Variants in SMARCB1 observed in about 807,000 individuals in gnomAD.
SMARCB1 encodes SWI/SNF related BAF chromatin remodeling complex subunit B1.
In SMARCB1, 5 loss-of-function variants were observed where a neutral mutation model predicts 49.0. The ratio of observed to expected loss-of-function variants is 0.10; its 90% CI spans 0.05 to 0.21. The LOEUF is 0.21. Ranked by LOEUF, SMARCB1 falls within the 10% of genes least tolerant of loss-of-function variation. The pLI is 1.00. For missense variants in SMARCB1, 226 were observed against 509.2 expected (o/e 0.44, Z 5.35); for synonymous variants, 201 against 200.1 (o/e 1.00, Z -0.04).
intron 7 of SMARCB1, among the ~76,000 whole-genome samples, chr22:23,827,387 T>C (rs1461835372): frequency 1.3e-5 from 2 of 152,182 alleles, no homozygotes; most frequent in African/African-American, 2.4e-5. Flanking sequence ...TGAGCCTAAA[T>C]TCCTTTCCAA....
At chr22:23,788,256 A>T (rs867086024) in intron 1 of SMARCB1, among the ~76,000 whole-genome samples, 13 of 152,084 alleles carry the variant, frequency 8.5e-5, no homozygotes, top group South Asian at 2.1e-4. Context: ...TTACCTTTTT[A>T]AAAAAATTAT....
At position 23,817,244 on chromosome 22, in the gene SMARCB1, C is replaced by T. The variant is rs548969368; in HGVS notation, c.795+308C>T. 82 of 518,992 alleles carry T rather than the reference C, an allele frequency of 1.6e-4. 1 individual carries two copies. Among genetic ancestry groups the T allele is most frequent in the African/African-American group, 1.3e-3 (68 of 52,640 alleles). 32.1% of individuals were successfully genotyped at this position (518,992 alleles called of 1,614,324 possible). Reference sequence around the variant, plus strand: ...GATTGGCTGGGCCAGGCTGAGTGCTCCAGGGGGGCCTAGTAACCCAATAAG... The same window carrying T: ...GATTGGCTGGGCCAGGCTGAGTGCTTCAGGGGGGCCTAGTAACCCAATAAG... On this transcript the variant is annotated intron_variant, in intron 6 of 8. Coordinates refer to ENST00000644036, the MANE Select transcript of SMARCB1 (RefSeq NM_003073.5).
chr22:23,821,147 C>T (rs981283940), intron 6 of SMARCB1, among the ~76,000 whole-genome samples: 1 of 152,240 alleles, frequency 6.6e-6, no homozygotes, highest in African/African-American at 2.4e-5. Context: ...CCTGTGATTC[C>T]CACCTGGGGG....
In SMARCB1 at chr22:23,837,306, G is replaced by T; in HGVS notation, c.*3126G>T. On this transcript the variant is annotated 3_prime_UTR_variant, in exon 9 of 9. Coordinates refer to ENST00000644036, the MANE Select transcript of SMARCB1 (RefSeq NM_003073.5). Reference sequence around the variant, plus strand: ...GCCTTGCACAGAGTGCCAGCCCCGGGTTGGCCGTGAAGGACAAGCTTAAAA... The same window carrying T: ...GCCTTGCACAGAGTGCCAGCCCCGGTTTGGCCGTGAAGGACAAGCTTAAAA... 1 of 1,052,470 alleles carries T rather than the reference G, an allele frequency of 9.5e-7. No homozygotes were observed. Among genetic ancestry groups the T allele is most frequent in the Non-Finnish European group, 1.4e-6 (1 of 720,762 alleles). The allele number at this position is 1,052,470 out of a possible 1,614,324, so 65.2% of individuals were successfully genotyped here.
rs367854741 is a variant in SMARCB1, at chr22:23,835,860, GCCCT to G, written c.*1682_*1685del. 7.1e-3 allele frequency: 7,002 copies of G among 985,400 alleles called. 132 individuals carry two copies. In the South Asian group the frequency reaches 0.098, roughly 14 times the overall value. The allele number at this position is 985,400 out of a possible 1,614,324, so 61.0% of individuals were successfully genotyped here. A position where few individuals can be genotyped will look rare whatever the true frequency, so the allele number is the denominator to read the frequency against. ...GGCTGGGAGGTGCCGGGAAGGCTGGGCCCTCACTCCTGACCGCCAGCTCACACCG... is the reference window on the plus strand; with the variant it reads ...GGCTGGGAGGTGCCGGGAAGGCTGGGCACTCCTGACCGCCAGCTCACACCG... On this transcript the variant is annotated 3_prime_UTR_variant, in exon 9 of 9. Coordinates refer to ENST00000644036, the MANE Select transcript of SMARCB1 (RefSeq NM_003073.5).
At position 23,803,007 on chromosome 22, in the gene SMARCB1, C is replaced by T. The variant is rs1671659005; in HGVS notation, c.501-288C>T. 5 of 508,460 alleles carry T rather than the reference C, an allele frequency of 9.8e-6. No homozygotes were observed. In the South Asian group the frequency reaches 1.0e-4, roughly 10 times the overall value. The allele number at this position is 508,460 out of a possible 1,614,324, so 31.5% of individuals were successfully genotyped here. A position where few individuals can be genotyped will look rare whatever the true frequency, so the allele number is the denominator to read the frequency against. On this transcript the variant is annotated intron_variant, in intron 4 of 8. Coordinates refer to ENST00000644036, the MANE Select transcript of SMARCB1 (RefSeq NM_003073.5). ...CTTCCATGAAAGTCCTGCCAAATTT[C>T]AGGCTTAAATATCCCTTCACAGGAT... is the stretch of plus-strand genomic sequence containing the variant.
intron 5 of SMARCB1, among the ~76,000 whole-genome samples, chr22:23,810,713 G>T (rs1308748004): frequency 6.6e-6 from 1 of 151,956 alleles, no homozygotes; most frequent in Non-Finnish European, 1.5e-5. Context: ...ATCTGATACG[G>T]TTCTAAAGGT....
chr22:23,833,725 T>C (rs948168784), intron 8 of SMARCB1, 22 bp downstream of exon 8: 1 of 1,613,468 alleles, frequency 6.2e-7, no homozygotes, highest in Non-Finnish European at 8.5e-7. Flanking sequence ...CCTGTGGTCC[T>C]GGGCTCTGCC....
intron 5 of SMARCB1, among the ~76,000 whole-genome samples, chr22:23,807,819 G>A (rs1358272090): frequency 6.8e-6 from 1 of 147,922 alleles, no homozygotes; most frequent in Non-Finnish European, 1.5e-5. Flanking sequence ...TTTTGAGATG[G>A]AGTCTTGCTC....
rs1929645915 is a variant in SMARCB1, at chr22:23,808,347, T to G, written c.628+4925T>G. Among the ~76,000 whole-genome samples, 4 of 152,264 alleles carry G rather than the reference T, an allele frequency of 2.6e-5. No individual in the cohort carries two copies. In the South Asian group the frequency reaches 8.3e-4, roughly 32 times the overall value. ...CGTGTTAGCCAGGATGGTCTCGATC[T>G]CCCGACCTCGTGATCCGCCCACCTC... is the stretch of plus-strand genomic sequence containing the variant. On this transcript the variant is annotated intron_variant, in intron 5 of 8. Coordinates refer to ENST00000644036, the MANE Select transcript of SMARCB1 (RefSeq NM_003073.5).
Position 23,835,521 on chromosome 22 carries a change from G to A in SMARCB1, c.*1341G>A. On this transcript the variant is annotated 3_prime_UTR_variant, in exon 9 of 9. Transcript: ENST00000644036. ...TGAGATGTGAGAGGAGGGCTCCTTT[G>A]AGCACATGTTAGCATGGGACTCTTC... is the stretch of plus-strand genomic sequence containing the variant. The A allele has an allele frequency of 1.0e-6, 1 of 985,552 alleles. No homozygotes were observed. The highest frequency in any genetic ancestry group is 1.2e-6 in the Non-Finnish European group (1 of 830,004). 61.1% of individuals were successfully genotyped at this position (985,552 alleles called of 1,614,324 possible).
chr22:23,833,760 G>A, intron 8 of SMARCB1, 57 bp downstream of exon 8: 1 of 1,590,944 alleles, frequency 6.3e-7, no homozygotes, highest in East Asian at 2.2e-5. Flanking sequence ...TTTCCAGGCA[G>A]AGGCAGGGCC....
intron 3 of SMARCB1, among the ~76,000 whole-genome samples, chr22:23,795,608 G>A (rs1273468553): frequency 6.6e-6 from 1 of 151,632 alleles, no homozygotes; most frequent in Non-Finnish European, 1.5e-5. Context: ...GTGAGCCGAG[G>A]TTGCGCCATT....
chr22:23,810,514 C>CAAGACTCT (rs1234757036), intron 5 of SMARCB1, among the ~76,000 whole-genome samples: 1 of 80,736 alleles, frequency 1.2e-5, no homozygotes, highest in African/African-American at 5.0e-5. Context: ...GGCAACAGAG[C>CAAGACTCT]AAGACTCTGT....
Position 23,837,743 on chromosome 22 carries a change from G to C in SMARCB1, c.*3563G>C. 2 of 1,614,064 alleles carry C rather than the reference G, an allele frequency of 1.2e-6. No individual in the cohort carries two copies. The highest frequency in any genetic ancestry group is 1.7e-6 in the Non-Finnish European group (2 of 1,180,018). On this transcript the variant is annotated 3_prime_UTR_variant, in exon 9 of 9. Coordinates refer to ENST00000644036, the MANE Select transcript of SMARCB1 (RefSeq NM_003073.5). ...GGCAGGAACGGTGCCTGGAAAGTGA[G>C]CAGGCCGAAGAAGTTGACCCTCACC... is the stretch of plus-strand genomic sequence containing the variant.
chr22:23,832,603 G>T (rs944042423), intron 7 of SMARCB1, among the ~76,000 whole-genome samples: 18 of 152,222 alleles, frequency 1.2e-4, no homozygotes, highest in African/African-American at 4.3e-4. Context: ...CTTCTGCCAA[G>T]CCAGGGGTCT....
Position 23,834,365 on chromosome 22 carries a change from G to GCCCCCCCCCCCCCCCCCCCCTC in SMARCB1, c.*191_*192insCCCCCCCCCCCCCCTCCCCCCC. 1.4e-6 allele frequency: 1 copy of GCCCCCCCCCCCCCCCCCCCCTC among 700,772 alleles called. No homozygotes were observed. The highest frequency in any genetic ancestry group is 1.5e-5 in the South Asian group (1 of 66,686). 43.4% of individuals were successfully genotyped at this position (700,772 alleles called of 1,614,324 possible). A position where few individuals can be genotyped will look rare whatever the true frequency, so the allele number is the denominator to read the frequency against. On this transcript the variant is annotated 3_prime_UTR_variant, in exon 9 of 9. Coordinates refer to ENST00000644036, the MANE Select transcript of SMARCB1 (RefSeq NM_003073.5). Reference sequence around the variant, plus strand: ...ATTCCATTTGTTGAGCCCCAGTCCTGCCCCCCACCCCACCCTCCCTACCCC... The same window carrying GCCCCCCCCCCCCCCCCCCCCTC: ...ATTCCATTTGTTGAGCCCCAGTCCTGCCCCCCCCCCCCCCCCCCCCTCCCCCCCACCCCACCCTCCCTACCCC...
At chr22:23,803,649 G>T (rs1330845518) in intron 5 of SMARCB1, 5 of 627,230 alleles carry the variant, frequency 8.0e-6, no homozygotes, top group Non-Finnish European at 1.4e-5. Flanking sequence ...CTGAGGTTGG[G>T]TGGCCCAAGA....
chr22:23,787,985 C>T (rs1329789780), intron 1 of SMARCB1, among the ~76,000 whole-genome samples: 1 of 152,200 alleles, frequency 6.6e-6, no homozygotes, highest in African/African-American at 2.4e-5. Flanking sequence ...TGACTGACTT[C>T]AGGAAAACTC....
Sources: allele counts gnomAD v4.1 joint callset (sites outside exome capture counted in the v4.1 genomes callset), GRCh38; gene constraint gnomAD v4.1.1; transcripts MANE v1.5; gene names NCBI Gene and HGNC (gene_info 2026-07-23, HGNC 2026-07-21).